TRPM3: variants seen among roughly 807,000 people sequenced by gnomAD.
TRPM3 encodes long transient receptor potential channel 3.
Under a neutral mutation model 181.2 loss-of-function variants are expected in TRPM3, and 77 were observed. The ratio of observed to expected loss-of-function variants is 0.42; its 90% confidence interval spans 0.35 to 0.51. The LOEUF is 0.51. TRPM3 is among the 20% of genes least tolerant of loss of function. TRPM3 has a pLI of 0.01. For missense variants in TRPM3, 1,759 were observed against 2,196.7 expected, an observed-to-expected ratio of 0.80 and a Z score of 3.98; for synonymous variants, 745 against 796.4, an observed-to-expected ratio of 0.94 and a Z score of 1.09.
At chr9:71,418,304 G>C (rs1282059949) in intron 1 of TRPM3, among the ~76,000 whole-genome samples, 1 of 151,858 alleles carries the variant, frequency 6.6e-6, no homozygotes, top group East Asian at 1.9e-4. Context: ...AGAATCTCCA[G>C]GAGGTTCAAG....
intron 1 of TRPM3, among the ~76,000 whole-genome samples, chr9:71,049,687 G>A (rs2059850531): frequency 6.6e-6 from 1 of 152,060 alleles, no homozygotes; most frequent in Non-Finnish European, 1.5e-5. Context: ...TACCTTGCCT[G>A]GTCATTGTGG....
At chr9:71,060,980 A>C (rs963402035) in intron 1 of TRPM3, among the ~76,000 whole-genome samples, 1 of 152,116 alleles carries the variant, frequency 6.6e-6, no homozygotes, top group Admixed American at 6.6e-5. Context: ...GTACTCTGAA[A>C]TTAAGAAAAA....
chr9:71,297,548 G>C (rs146291059), intron 1 of TRPM3, among the ~76,000 whole-genome samples: 2 of 152,132 alleles, frequency 1.3e-5, no homozygotes, highest in Non-Finnish European at 2.9e-5. Context: ...AATGAGATCG[G>C]AATGAAGGAG....
chr9:70,681,438 G>A, intron 9 of TRPM3, 68 bp downstream of exon 9: 1 of 1,282,294 alleles, frequency 7.8e-7, no homozygotes, highest in South Asian at 1.2e-5. Flanking sequence ...CTATTATTAG[G>A]AGACATAAGG....
chr9:70,701,044 T>C (rs1477817075), intron 8 of TRPM3, among the ~76,000 whole-genome samples: 1 of 152,232 alleles, frequency 6.6e-6, no homozygotes, highest in Non-Finnish European at 1.5e-5. Context: ...ATGATTGTAG[T>C]TCTAGAATGA....
chr9:70,903,022 G>C lies in TRPM3; in HGVS notation c.178-38511C>G, dbSNP rs557690185. Among the ~76,000 whole-genome samples the C allele has an allele frequency of 6.6e-5, 10 of 152,256 alleles. No homozygotes were observed. The East Asian group carries it at 9.6e-4, about 15-fold the overall frequency. ...TGTAAAAGAGGAGGTGAAGCAGATG[G>C]GGGATGTAAAGATGTTATCCACTAG... On this transcript the variant is annotated intron_variant, in intron 1 of 25. Transcript: ENST00000677713.
At chr9:70,577,836 G>A (rs751670109) in intron 22 of TRPM3, among the ~76,000 whole-genome samples, 4 of 152,118 alleles carry the variant, frequency 2.6e-5, no homozygotes, top group South Asian at 4.1e-4. Flanking sequence ...GAATAGAACC[G>A]CATGCACCAT....
chr9:71,248,769 C>T (rs549450916), intron 1 of TRPM3, among the ~76,000 whole-genome samples: 9 of 152,168 alleles, frequency 5.9e-5, no homozygotes, highest in Admixed American at 1.3e-4. Flanking sequence ...TACACATGTA[C>T]GTAACTACTT....
At chr9:71,128,733 C>T (rs1263988813) in intron 1 of TRPM3, among the ~76,000 whole-genome samples, 1 of 152,194 alleles carries the variant, frequency 6.6e-6, no homozygotes, top group African/African-American at 2.4e-5. Context: ...GACATTTAAG[C>T]AGTGAATCTC....
intron 1 of TRPM3, among the ~76,000 whole-genome samples, chr9:70,988,248 C>T (rs2097440835): frequency 6.6e-6 from 1 of 152,162 alleles, no homozygotes; most frequent in African/African-American, 2.4e-5. Context: ...AAAATACATA[C>T]TAATGTTTGA....
intron 1 of TRPM3, among the ~76,000 whole-genome samples, chr9:70,946,085 A>G (rs565198878): frequency 1.3e-5 from 2 of 152,274 alleles, no homozygotes; most frequent in African/African-American, 2.4e-5. Flanking sequence ...TTCTGATCCT[A>G]TGTCAACTCT....
chr9:70,801,111 T>C (rs1016815997), intron 6 of TRPM3, among the ~76,000 whole-genome samples: 3 of 152,220 alleles, frequency 2.0e-5, no homozygotes, highest in African/African-American at 7.2e-5. Flanking sequence ...TATTAATAAT[T>C]ACTCTGGGAT....
intron 5 of TRPM3, among the ~76,000 whole-genome samples, chr9:70,837,977 C>T (rs2094426962): frequency 6.6e-6 from 1 of 152,096 alleles, no homozygotes; most frequent in South Asian, 2.1e-4. Flanking sequence ...ATAATACATA[C>T]CTTGTAAAAC....
At chr9:71,158,084 A>G (rs943246645) in intron 1 of TRPM3, among the ~76,000 whole-genome samples, 2 of 152,156 alleles carry the variant, frequency 1.3e-5, no homozygotes, top group Non-Finnish European at 2.9e-5. Context: ...TGCAATCTTA[A>G]AGTTGTGACA....
At chr9:70,898,268 G>A (rs916059442) in intron 1 of TRPM3, among the ~76,000 whole-genome samples, 3 of 149,374 alleles carry the variant, frequency 2.0e-5, no homozygotes, top group South Asian at 4.2e-4. Context: ...GACTACAGGC[G>A]CCCGCCACTA....
intron 1 of TRPM3, among the ~76,000 whole-genome samples, chr9:71,032,032 A>ATATATAT (rs367885538): frequency 1.2e-4 from 1 of 8,206 alleles, no homozygotes; most frequent in Non-Finnish European, 1.6e-4. Flanking sequence ...TATATAATAT[A>ATATATAT]AATATATATA....
chr9:71,149,542 C>T (rs1674871908), intron 1 of TRPM3, among the ~76,000 whole-genome samples: 1 of 152,098 alleles, frequency 6.6e-6, no homozygotes, highest in Non-Finnish European at 1.5e-5. Flanking sequence ...TCAATAGCCT[C>T]CCACCCTACC....
intron 1 of TRPM3, among the ~76,000 whole-genome samples, chr9:71,278,379 T>C (rs112052247): frequency 0.025 from 3,806 of 152,254 alleles, 60 homozygotes; most frequent in South Asian, 0.038. Flanking sequence ...AATTCTTGAA[T>C]GGAATCTCAA....
chr9:70,782,927 C>G (rs1271950555), intron 7 of TRPM3, among the ~76,000 whole-genome samples: 1 of 151,992 alleles, frequency 6.6e-6, no homozygotes, highest in Non-Finnish European at 1.5e-5. Context: ...ATGTGGAGTA[C>G]TGGGCTGCTG....
Sources: allele counts gnomAD v4.1 joint callset (sites outside exome capture counted in the v4.1 genomes callset), GRCh38; gene constraint gnomAD v4.1.1; transcripts MANE v1.5; gene names NCBI Gene and HGNC (gene_info 2026-07-23, HGNC 2026-07-21).